Variants in ABCG1 observed in about 807,000 individuals in gnomAD.
ABCG1 encodes the protein ATP binding cassette subfamily G member 1, also known as ATP-binding cassette sub-family G member 1.
A neutral mutation model predicts 69.2 loss-of-function variants in ABCG1; 29 were observed. That is an observed-to-expected ratio of 0.42 (90% CI 0.31 to 0.57). ABCG1 has a LOEUF of 0.57. Among genes scored for constraint, ABCG1 ranks in the 20% least tolerant of loss-of-function variants. ABCG1 has a pLI of 0.15. For missense variants in ABCG1, 718 were observed against 898.1 expected, an observed-to-expected ratio of 0.80 and a Z score of 2.56; for synonymous variants, 370 against 374.8, an observed-to-expected ratio of 0.99 and a Z score of 0.15.
Position 42,287,297 on chromosome 21 carries a change from G to C in ABCG1, c.974-592G>C, listed in dbSNP as rs995811178. ...AGGGGAGCGAGTCTGCAGGTGGAGT[G>C]GGGAGGTGACGATTGGGATGCGAGA... is the stretch of plus-strand genomic sequence containing the variant. On this transcript the variant is annotated intron_variant, in intron 8 of 14. Transcript: ENST00000398449. The surrounding 1 kb of genome is among the most constrained non-coding windows in gnomAD (Gnocchi z 6.2). Among the ~76,000 whole-genome samples, 1 of 152,152 alleles carries C rather than the reference G, an allele frequency of 6.6e-6. No individual in the cohort carries two copies. The highest frequency in any genetic ancestry group is 1.5e-5 in the Non-Finnish European group (1 of 68,020).
intron 4 of ABCG1, among the ~76,000 whole-genome samples, chr21:42,275,425 T>C (rs1045535459): frequency 1.3e-5 from 2 of 152,230 alleles, no homozygotes; most frequent in Non-Finnish European, 2.9e-5. Flanking sequence ...GGCGAACAGA[T>C]GCTGCAAAGC....
intron 2 of ABCG1, among the ~76,000 whole-genome samples, chr21:42,255,810 G>T (rs2068294357): frequency 1.3e-5 from 2 of 152,136 alleles, no homozygotes; most frequent in South Asian, 2.1e-4. Context: ...AATCTCTCCA[G>T]TTCTCCTGCC....
intron 2 of ABCG1, among the ~76,000 whole-genome samples, chr21:42,246,743 C>G (rs1382002054): frequency 2.0e-5 from 3 of 152,074 alleles, no homozygotes; most frequent in African/African-American, 4.8e-5. Flanking sequence ...ATTAGAAACC[C>G]AAGGCGCAGG....
At chr21:42,283,780 C>CCG (rs2123780085) in intron 6 of ABCG1, among the ~76,000 whole-genome samples, 1 of 49,922 alleles carries the variant, frequency 2.0e-5, no homozygotes. Context: ...TGAAGTACCC[C>CCG]CCAACCCAGA....
intron 2 of ABCG1, among the ~76,000 whole-genome samples, chr21:42,249,062 C>T (rs1239605492): frequency 6.6e-6 from 1 of 152,184 alleles, no homozygotes; most frequent in Non-Finnish European, 1.5e-5. Flanking sequence ...TCCTGGAACA[C>T]ATGCAATGTG....
At chr21:42,274,290 C>T (rs2068669941) in intron 4 of ABCG1, among the ~76,000 whole-genome samples, 2 of 152,246 alleles carry the variant, frequency 1.3e-5, no homozygotes, top group African/African-American at 2.4e-5. Context: ...AGCCTCCCCA[C>T]AGTATCTTCA....
intron 2 of ABCG1, among the ~76,000 whole-genome samples, chr21:42,246,345 A>T (rs990794509): frequency 3.9e-5 from 6 of 152,358 alleles, no homozygotes; most frequent in African/African-American, 1.4e-4. Flanking sequence ...TCTTTAAGAT[A>T]CTGGCAAAAC....
upstream of ABCG1, among the ~76,000 whole-genome samples, chr21:42,218,060 G>A (rs377761040): frequency 7.2e-5 from 11 of 152,156 alleles, 1 homozygote; most frequent in Admixed American, 3.9e-4. Flanking sequence ...CGATTTGAGC[G>A]GCTGAATTTG....
At chr21:42,225,990 C>T (rs1218600480) in intron 2 of ABCG1, 76 bp downstream of exon 2, 44 of 1,549,666 alleles carry the variant, frequency 2.8e-5, no homozygotes, top group African/African-American at 4.1e-5. Flanking sequence ...TGGGCAAAAT[C>T]GGGGTCTGGA....
intron 2 of ABCG1, among the ~76,000 whole-genome samples, chr21:42,260,734 A>C (rs1054401243): frequency 5.3e-5 from 8 of 152,198 alleles, no homozygotes; most frequent in African/African-American, 1.9e-4. Flanking sequence ...GAAACTGAAC[A>C]AGGACCCAGA....
At position 42,294,619 on chromosome 21, in the gene ABCG1, C is replaced by T. The variant is rs1210487879; in HGVS notation, c.1731C>T (p.Ile577=). The T allele has an allele frequency of 1.4e-5, 22 of 1,614,096 alleles. No individual in the cohort carries two copies. The highest frequency in any genetic ancestry group is 1.9e-5 in the Non-Finnish European group (22 of 1,180,028). The part of the protein sequence containing the change: ...FSGFFVSFDT[I]PTYLQWMSYI... ...GGTTCTTCGTCAGCTTCGACACCATCCCCACGTACCTACAGTGGATGTCCT... is the reference window on the plus strand; with the variant it reads ...GGTTCTTCGTCAGCTTCGACACCATTCCCACGTACCTACAGTGGATGTCCT... The change falls in exon 14 of 15, where the codon ATC becomes ATT. Residue 577 remains isoleucine (I), a synonymous_variant. Coordinates refer to ENST00000398449, the MANE Select transcript of ABCG1 (RefSeq NM_016818.3).
chr21:42,296,443 C>A lies in ABCG1; in HGVS notation c.*51C>A. On this transcript the variant is annotated 3_prime_UTR_variant, in exon 15 of 15. Coordinates refer to ENST00000398449, the MANE Select transcript of ABCG1 (RefSeq NM_016818.3). This position sits in a 1 kb window ranked among gnomAD's most constrained non-coding sequence, Gnocchi z 5.4. Reference sequence around the variant, plus strand: ...AGATTAGACACTGTGGCCGAGGGCACGTCTAGAATCGAGGAGGCAAGCCTG... The same window carrying A: ...AGATTAGACACTGTGGCCGAGGGCAAGTCTAGAATCGAGGAGGCAAGCCTG... The A allele has an allele frequency of 6.6e-7, 1 of 1,522,182 alleles. No homozygotes were observed. The highest frequency in any genetic ancestry group is 9.0e-7 in the Non-Finnish European group (1 of 1,113,212). 94.3% of individuals were successfully genotyped at this position (1,522,182 alleles called of 1,614,324 possible).
chr21:42,276,136 A>G lies in ABCG1; in HGVS notation c.538-759A>G, dbSNP rs1320019592. ...GGAGGTTGCACGTTTGCCCAAGGCC[A>G]CGGGAGGCAGGAGGGTGGAAGCAAG... is the stretch of plus-strand genomic sequence containing the variant. On this transcript the variant is annotated intron_variant, in intron 4 of 14. Transcript: ENST00000398449. This position sits in a 1 kb window ranked among gnomAD's most constrained non-coding sequence, Gnocchi z 5.3. Among the ~76,000 whole-genome samples the G allele has an allele frequency of 2.0e-5, 3 of 152,162 alleles. No individual in the cohort carries two copies. Among genetic ancestry groups the G allele is most frequent in the African/African-American group, 4.8e-5 (2 of 41,430 alleles).
intron 5 of ABCG1, among the ~76,000 whole-genome samples, chr21:42,277,850 A>G (rs2068737783): frequency 6.6e-6 from 1 of 152,172 alleles, no homozygotes; most frequent in African/African-American, 2.4e-5. Context: ...TAGCAATTCT[A>G]TTTCCGGCAT....
At chr21:42,281,879 G>A (rs1381910712) in intron 5 of ABCG1, among the ~76,000 whole-genome samples, 2 of 152,236 alleles carry the variant, frequency 1.3e-5, no homozygotes, top group Non-Finnish European at 2.9e-5. Context: ...CCTCTCATGT[G>A]TCCATTCATC....
At chr21:42,272,260 G>A (rs2068629868) in intron 3 of ABCG1, among the ~76,000 whole-genome samples, 1 of 152,224 alleles carries the variant, frequency 6.6e-6, no homozygotes, top group Admixed American at 6.5e-5. Context: ...CCAGAGAGGA[G>A]TGGAGTATTC....
chr21:42,219,398 TC>T lies in ABCG1; in HGVS notation c.42+97del. 1 of 1,504,792 alleles carries T rather than the reference TC, an allele frequency of 6.6e-7. No homozygotes were observed. Among genetic ancestry groups the T allele is most frequent in the South Asian group, 1.2e-5 (1 of 82,546 alleles). 93.2% of individuals were successfully genotyped at this position (1,504,792 alleles called of 1,614,324 possible). On this transcript the variant is annotated intron_variant, in intron 1 of 14. Transcript: ENST00000398449. The surrounding 1 kb of genome is among the most constrained non-coding windows in gnomAD (Gnocchi z 5.3). ...ACTCGCAAGCTCGACCTGACACCCC[TC>T]CCAGGAGCGCGTCCTCTGGGCGCTG... is the stretch of plus-strand genomic sequence containing the variant.
chr21:42,221,521 C>G (rs1328901604), intron 1 of ABCG1, among the ~76,000 whole-genome samples: 1 of 152,150 alleles, frequency 6.6e-6, no homozygotes, highest in Non-Finnish European at 1.5e-5. Flanking sequence ...GTGGCAAATG[C>G]GTCCAGTGGG....
At chr21:42,223,505 C>T (rs549159867) in intron 1 of ABCG1, among the ~76,000 whole-genome samples, 20 of 152,122 alleles carry the variant, frequency 1.3e-4, no homozygotes, top group African/African-American at 4.6e-4. Context: ...GTCCTCAAGG[C>T]GACGGCCCAG....
Sources: allele counts gnomAD v4.1 joint callset (sites outside exome capture counted in the v4.1 genomes callset), GRCh38; gene constraint gnomAD v4.1.1; non-coding constraint Gnocchi (gnomAD v3.1); transcripts MANE v1.5; gene names NCBI Gene and HGNC (gene_info 2026-07-23, HGNC 2026-07-21).